Variants in PLVAP observed in about 807,000 individuals in gnomAD.
The protein encoded by PLVAP is plasmalemma vesicle associated protein.
In PLVAP, 34 loss-of-function variants were observed where a neutral mutation model predicts 43.1. That is an observed-to-expected ratio of 0.79 (90% CI 0.60 to 1.05). The LOEUF is 1.05. Ranked by LOEUF, PLVAP falls within the 50% of genes least tolerant of loss-of-function variation. The pLI, the probability that PLVAP is intolerant of heterozygous loss-of-function variation, is 0.00. For missense variants in PLVAP, 574 were observed against 593.4 expected (o/e 0.97, Z 0.34); for synonymous variants, 241 against 237.3 (o/e 1.02, Z -0.14).
chr19:17,374,771 A>G (rs2074587982), intron 1 of PLVAP, among the ~76,000 whole-genome samples: 1 of 151,720 alleles, frequency 6.6e-6, no homozygotes, highest in African/African-American at 2.4e-5. Context: ...GACTACTGGC[A>G]TGTGCCACCA....
intron 1 of PLVAP, among the ~76,000 whole-genome samples, chr19:17,373,353 G>A (rs954732571): frequency 6.6e-6 from 1 of 152,108 alleles, no homozygotes; most frequent in African/African-American, 2.4e-5. Context: ...GGCTCTGGGC[G>A]AGGGGTTGAG....
intron 1 of PLVAP, among the ~76,000 whole-genome samples, chr19:17,369,576 A>C (rs896531744): frequency 5.5e-5 from 8 of 145,766 alleles, no homozygotes; most frequent in Non-Finnish European, 1.2e-4. Context: ...CGGAGGTTGC[A>C]GTGAGATGAG....
rs752257496 is a variant in PLVAP, at chr19:17,377,099, C to T, written c.190G>A (p.Glu64Lys). The T allele has an allele frequency of 8.1e-6, 13 of 1,614,098 alleles. No homozygotes were observed. The highest frequency in any genetic ancestry group is 1.6e-4 in the Middle Eastern group (1 of 6,062). Residue 64 changes from glutamate (E) to lysine (K), a missense_variant, in exon 1 of 6, where the codon GAG (glutamate) becomes AAG (lysine). Physicochemically the swap from Glu to Lys is moderately conservative, Grantham distance 56. Coordinates refer to ENST00000252590, the MANE Select transcript of PLVAP (RefSeq NM_031310.3). ...CTGTATAGGCCCTCGGCTCGGCGCT[C>T]GGTGGCCTGCAGGTTGGACTCTGTG... The part of the protein sequence containing the change: ...VSTESNLQAT[E>K]RRAEGLYSQL...
At chr19:17,357,685 A>G (rs557330424) in intron 5 of PLVAP, among the ~76,000 whole-genome samples, 13 of 152,108 alleles carry the variant, frequency 8.5e-5, no homozygotes, top group Non-Finnish European at 1.8e-4. Flanking sequence ...TGATTAAAAA[A>G]ATAAAATTCC....
At chr19:17,374,826 G>T (rs8105990) in intron 1 of PLVAP, among the ~76,000 whole-genome samples, 51,097 of 149,204 alleles carry the variant, frequency 0.34, 10,527 homozygotes, top group African/African-American at 0.57. Context: ...ATGTATGTAT[G>T]TATTTATTTT....
intron 5 of PLVAP, among the ~76,000 whole-genome samples, chr19:17,353,652 G>A (rs919899931): frequency 1.3e-5 from 2 of 152,132 alleles, no homozygotes; most frequent in Non-Finnish European, 2.9e-5. Context: ...CCTCCTCTGG[G>A]TCTCTGCTTC....
Position 17,352,245 on chromosome 19 carries a change from GC to G in PLVAP, c.*116del. The G allele has an allele frequency of 7.5e-7, 1 of 1,340,016 alleles. No individual in the cohort carries two copies. The highest frequency in any genetic ancestry group is 1.0e-6 in the Non-Finnish European group (1 of 978,656). 83.0% of individuals were successfully genotyped at this position (1,340,016 alleles called of 1,614,324 possible). ...GCATGCAGGGAGTTGTCTGATGGTG[GC>G]CCTGGGTGGTTGGGGGCGGCGGGAG... On this transcript the variant is annotated 3_prime_UTR_variant, in exon 6 of 6. Coordinates refer to ENST00000252590, the MANE Select transcript of PLVAP (RefSeq NM_031310.3).
chr19:17,369,846 C>CA (rs1319182028), intron 1 of PLVAP, among the ~76,000 whole-genome samples: 2 of 149,868 alleles, frequency 1.3e-5, no homozygotes, highest in Non-Finnish European at 3.0e-5. Context: ...ACTAAAAATA[C>CA]AAAAAAATTA....
intron 1 of PLVAP, among the ~76,000 whole-genome samples, chr19:17,375,493 CA>C: frequency 6.6e-6 from 1 of 152,228 alleles, no homozygotes; most frequent in Non-Finnish European, 1.5e-5. Context: ...AATGGTGGCT[CA>C]TGCCTGTAAT....
chr19:17,375,876 G>A (rs867121020), intron 1 of PLVAP, among the ~76,000 whole-genome samples: 7 of 91,708 alleles, frequency 7.6e-5, no homozygotes, highest in African/African-American at 2.6e-4. Context: ...GCGAGACTCC[G>A]TCTCAAAAAA....
chr19:17,353,766 T>C lies in PLVAP; in HGVS notation c.1323-1398A>G, dbSNP rs538639264. On this transcript the variant is annotated intron_variant, in intron 5 of 5. Coordinates refer to ENST00000252590, the MANE Select transcript of PLVAP (RefSeq NM_031310.3). Reference sequence around the variant, plus strand: ...GTCTCGCCCATCACCAAAGGACCCTTGAGTGACCCGTTCATCTAATTTATT... The same window carrying C: ...GTCTCGCCCATCACCAAAGGACCCTCGAGTGACCCGTTCATCTAATTTATT... Among the ~76,000 whole-genome samples the C allele has an allele frequency of 4.6e-5, 7 of 152,298 alleles. No homozygotes were observed. The South Asian group carries it at 8.3e-4, about 18-fold the overall frequency.
Position 17,361,396 on chromosome 19 carries a change from C to T in PLVAP, c.1180-564G>A, listed in dbSNP as rs965287527. On this transcript the variant is annotated intron_variant, in intron 3 of 5. Transcript: ENST00000252590. ...TTGTGGGACTGATCACCTCGGCAGTCCTGAGGCCCCATGCTGCAGAGCTGG... is the reference window on the plus strand; with the variant it reads ...TTGTGGGACTGATCACCTCGGCAGTTCTGAGGCCCCATGCTGCAGAGCTGG... Among the ~76,000 whole-genome samples the T allele has an allele frequency of 6.6e-5, 10 of 152,250 alleles. No individual in the cohort carries two copies. In the East Asian group the frequency reaches 1.9e-3, roughly 29 times the overall value.
Position 17,359,394 on chromosome 19 carries a change from G to A in PLVAP, c.1322+1134C>T, listed in dbSNP as rs565133729. On this transcript the variant is annotated intron_variant, in intron 5 of 5. Coordinates refer to ENST00000252590, the MANE Select transcript of PLVAP (RefSeq NM_031310.3). ...CTCCCAAAGTGCTGGGATTACAGGC[G>A]TGAGCCACTGCAACCAGCCTCTCTT... Among the ~76,000 whole-genome samples, 12 of 150,916 alleles carry A rather than the reference G, an allele frequency of 8.0e-5. No homozygotes were observed. In the South Asian group the frequency reaches 1.3e-3, roughly 16 times the overall value.
chr19:17,356,955 G>A lies in PLVAP; in HGVS notation c.1322+3573C>T, dbSNP rs142633850. On this transcript the variant is annotated intron_variant, in intron 5 of 5. Transcript: ENST00000252590. ...GCCTGGGCAACGAGAGAGAAACTCC[G>A]TCTCAAAAACAAAAAAACAAAAGAA... Among the ~76,000 whole-genome samples the A allele has an allele frequency of 1.7e-3, 255 of 151,360 alleles. 1 individual carries two copies. The highest frequency in any genetic ancestry group is 4.1e-3 in the African/African-American group (170 of 41,270).
intron 5 of PLVAP, among the ~76,000 whole-genome samples, chr19:17,352,723 G>A (rs939091960): frequency 4.6e-5 from 7 of 152,038 alleles, no homozygotes; most frequent in African/African-American, 1.7e-4. Context: ...CCAACATTCT[G>A]GGGATACTGA....
intron 1 of PLVAP, among the ~76,000 whole-genome samples, chr19:17,376,192 G>A (rs564896994): frequency 1.3e-5 from 2 of 151,000 alleles, no homozygotes; most frequent in African/African-American, 4.9e-5. Context: ...AAAAAGAAAA[G>A]AAATAAAAAA....
chr19:17,358,136 C>T (rs2074513508), intron 5 of PLVAP, among the ~76,000 whole-genome samples: 1 of 152,152 alleles, frequency 6.6e-6, no homozygotes, highest in South Asian at 2.1e-4. Flanking sequence ...TCCTCCTCAC[C>T]TTTTTGTTTC....
At chr19:17,366,692 C>A (rs985098140) in intron 1 of PLVAP, among the ~76,000 whole-genome samples, 1 of 148,960 alleles carries the variant, frequency 6.7e-6, no homozygotes. Flanking sequence ...AGTGCAGTGG[C>A]GCAATCTTGG....
At chr19:17,359,005 G>A (rs1214685393) in intron 5 of PLVAP, among the ~76,000 whole-genome samples, 1 of 151,852 alleles carries the variant, frequency 6.6e-6, no homozygotes, top group Non-Finnish European at 1.5e-5. Flanking sequence ...TTGCTATGTT[G>A]CCCAGACTGG....
Sources: allele counts gnomAD v4.1 joint callset (sites outside exome capture counted in the v4.1 genomes callset), GRCh38; gene constraint gnomAD v4.1.1; transcripts MANE v1.5; gene names NCBI Gene and HGNC (gene_info 2026-07-23, HGNC 2026-07-21).